Variants in DECR2 observed in about 807,000 individuals in gnomAD.
The protein encoded by DECR2 is peroxisomal 2,4-dienoyl-CoA reductase [(3E)-enoyl-CoA-producing].
DECR2 carries 34 observed loss-of-function variants against 29.2 expected under a neutral mutation model. The observed-to-expected ratio is 1.16, with a 90% CI of 0.89 to 1.55. The LOEUF (loss-of-function observed/expected upper bound fraction) is 1.55. Ranked by LOEUF, DECR2 falls within the 40% of genes most tolerant of loss-of-function variation. The pLI is 0.00. For synonymous variants in DECR2, 224 were observed against 182.7 expected (o/e 1.23, Z -1.82); for missense variants, 485 against 425.3 (o/e 1.14, Z -1.23).
intron 7 of DECR2, 99 bp downstream of exon 7, chr16:411,175 GC>G (rs2054814525): frequency 4.7e-6 from 6 of 1,288,950 alleles, no homozygotes; most frequent in African/African-American, 1.5e-5. Flanking sequence ...ATGTTGAAAA[GC>G]CCTGTGCTGG....
chr16:405,443 G>A, intron 2 of DECR2: 1 of 1,095,746 alleles, frequency 9.1e-7, no homozygotes, highest in Admixed American at 3.1e-5. Flanking sequence ...TGAGGCCCCT[G>A]CTTTTCAGAC....
chr16:404,181 T>A (rs944213675), intron 1 of DECR2, among the ~76,000 whole-genome samples: 79 of 151,222 alleles, frequency 5.2e-4, no homozygotes, highest in African/African-American at 1.8e-3. Context: ...TCAAAAAAAA[T>A]AAAAAATAAA....
rs1313586783 is a variant in DECR2, at chr16:405,000, T to A, written c.125T>A (p.Phe42Tyr). 6.2e-7 allele frequency: 1 copy of A among 1,613,976 alleles called. No homozygotes were observed. Among genetic ancestry groups the A allele is most frequent in the Non-Finnish European group, 8.5e-7 (1 of 1,179,968 alleles). ...FITGGGSGIGFRIAEIFMRHG... is the reference protein window; with the variant it reads ...FITGGGSGIGYRIAEIFMRHG... ...ACAGGAGGCGGCTCTGGGATTGGGT[T>A]CCGGATTGCTGAGATTTTCATGCGG... is the stretch of plus-strand genomic sequence containing the variant. Residue 42 changes from phenylalanine to tyrosine, a missense_variant, in exon 2 of 9, where the codon TTC becomes TAC. Transcript: ENST00000219481.
At chr16:405,622 G>A in intron 2 of DECR2, 1 of 1,301,926 alleles carries the variant, frequency 7.7e-7, no homozygotes, top group Non-Finnish European at 1.0e-6. Context: ...GAAGAGCCGA[G>A]AAACCAAAGA....
At position 410,115 on chromosome 16, in the gene DECR2, G is replaced by A; in HGVS notation, c.338-128G>A. On this transcript the variant is annotated intron_variant, in intron 4 of 8. Coordinates refer to ENST00000219481, the MANE Select transcript of DECR2 (RefSeq NM_020664.4). The surrounding 1 kb of genome is among the most constrained non-coding windows in gnomAD (Gnocchi z 4.1). ...ATTTTGGAATTTATCCTAGGGCATG[G>A]GTCTCCTCCCTGTGCCACAGGGCAC... The A allele has an allele frequency of 7.4e-7, 1 of 1,346,280 alleles. No homozygotes were observed. Among genetic ancestry groups the A allele is most frequent in the South Asian group, 1.4e-5 (1 of 70,716 alleles). 83.4% of individuals were successfully genotyped at this position (1,346,280 alleles called of 1,614,324 possible).
rs2054725860 is a variant in DECR2 at position 406,499 on chromosome 16, A to C, written c.201+102A>C. On this transcript the variant is annotated intron_variant, in intron 3 of 8. Coordinates refer to ENST00000219481, the MANE Select transcript of DECR2 (RefSeq NM_020664.4). ...CAGAGGCTATGGGGATGTTGGCACC[A>C]AAACTTTTTTTTTCTGAGACGGGAG... The C allele has an allele frequency of 3.8e-6, 5 of 1,302,064 alleles. No homozygotes were observed. The East Asian group carries it at 1.2e-4, about 31-fold the overall frequency. 80.7% of individuals were successfully genotyped at this position (1,302,064 alleles called of 1,614,324 possible). A position where few individuals can be genotyped will look rare whatever the true frequency, so the allele number is the denominator to read the frequency against.
At position 407,460 on chromosome 16, in the gene DECR2, CT is replaced by C; in HGVS notation, c.238del (p.Cys80AlafsTer22). 1 of 1,612,580 alleles carries C rather than the reference CT, an allele frequency of 6.2e-7. No homozygotes were observed. The highest frequency in any genetic ancestry group is 8.5e-7 in the Non-Finnish European group (1 of 1,179,628). On this transcript the variant is annotated frameshift_variant, in exon 4 of 9. Coordinates refer to ENST00000219481, the MANE Select transcript of DECR2 (RefSeq NM_020664.4). LOFTEE classifies it high-confidence loss of function. ...RKLAGATGRR[C>X]LPLSMDVRAP... ...AGCTGGCTGGGGCCACCGGCCGGCG[CT>C]GCCTCCCTCTCTCTATGGACGTCCG...
At chr16:407,644 G>A (rs904936677) in intron 4 of DECR2, 84 bp downstream of exon 4, 4 of 1,561,036 alleles carry the variant, frequency 2.6e-6, no homozygotes, top group Non-Finnish European at 3.5e-6. Flanking sequence ...TCATGGGGTG[G>A]GGACCATGCC....
Position 410,746 on chromosome 16 carries a change from C to T in DECR2, c.518C>T (p.Ala173Val), listed in dbSNP as rs144950917. ...ITATLGNRGQ[A>V]LQVHAGSAKA... ...GCCACCCTGGGGAACCGGGGGCAGGCGCTCCAGGTGCATGCAGGCTCCGCC... is the reference window on the plus strand; with the variant it reads ...GCCACCCTGGGGAACCGGGGGCAGGTGCTCCAGGTGCATGCAGGCTCCGCC... Residue 173 changes from alanine to valine, a missense_variant, in exon 6 of 9, where the codon GCG becomes GTG. Coordinates refer to ENST00000219481, the MANE Select transcript of DECR2 (RefSeq NM_020664.4). This position sits in a 1 kb window ranked among gnomAD's most constrained non-coding sequence, Gnocchi z 4.1. The T allele has an allele frequency of 1.7e-4, 272 of 1,606,906 alleles. No individual in the cohort carries two copies. The African/African-American group carries it at 3.2e-3, about 19-fold the overall frequency.
At chr16:402,433 C>T (rs1398806902) in intron 1 of DECR2, among the ~76,000 whole-genome samples, 1 of 152,012 alleles carries the variant, frequency 6.6e-6, no homozygotes, top group African/African-American at 2.4e-5. Flanking sequence ...CCGCGCCCGG[C>T]CCAACCTGGC....
rs982597008 is a variant in DECR2 at position 405,092 on chromosome 16, C to T, written c.149+68C>T. 28 of 1,580,526 alleles carry T rather than the reference C, an allele frequency of 1.8e-5. No homozygotes were observed. The Admixed American group carries it at 3.9e-4, about 22-fold the overall frequency. The stretch of plus-strand genomic sequence containing the variant: ...TGCCCGGGCCCTGCTGGATGCCCGA[C>T]CCCTGGAAAGATGTTGGTGGGAGGT... On this transcript the variant is annotated intron_variant, in intron 2 of 8. Coordinates refer to ENST00000219481, the MANE Select transcript of DECR2 (RefSeq NM_020664.4).
chr16:404,693 G>A (rs1403138608), intron 1 of DECR2, among the ~76,000 whole-genome samples: 6 of 151,126 alleles, frequency 4.0e-5, no homozygotes, highest in Non-Finnish European at 8.9e-5. Flanking sequence ...GCAGTGGTGC[G>A]ATCTCGGCTC....
chr16:409,306 G>A (rs1209515837), intron 4 of DECR2, among the ~76,000 whole-genome samples: 2 of 151,934 alleles, frequency 1.3e-5, no homozygotes, highest in African/African-American at 4.8e-5. Context: ...CAGTAGCTGG[G>A]ACTACAGGTG....
At chr16:408,259 C>T (rs1336188374) in intron 4 of DECR2, among the ~76,000 whole-genome samples, 1 of 150,906 alleles carries the variant, frequency 6.6e-6, no homozygotes, top group South Asian at 2.1e-4. Flanking sequence ...GGCCCCCTGT[C>T]TCTGGGCCTC....
chr16:406,972 C>T (rs1382207145), intron 3 of DECR2: 1 of 1,017,428 alleles, frequency 9.8e-7, no homozygotes, highest in African/African-American at 1.7e-5. Flanking sequence ...CTCCCAGAGA[C>T]ATCTTTGACT....
intron 7 of DECR2, 62 bp from the exon 8 acceptor site, chr16:411,299 G>A: frequency 6.7e-7 from 1 of 1,496,482 alleles, no homozygotes; most frequent in African/African-American, 1.4e-5. Flanking sequence ...AATGAGCTGG[G>A]GGAGAGGGGA....
At chr16:411,272 C>T in intron 7 of DECR2, 89 bp from the exon 8 acceptor site, 1 of 1,373,780 alleles carries the variant, frequency 7.3e-7, no homozygotes, top group Non-Finnish European at 9.9e-7. Flanking sequence ...CTTGCTGTTC[C>T]CAGATGCCTC....
At chr16:405,436 G>A in intron 2 of DECR2, 3 of 987,966 alleles carry the variant, frequency 3.0e-6, no homozygotes, top group Non-Finnish European at 4.1e-6. Context: ...GTTCCCCTGA[G>A]GCCCCTGCTT....
intron 4 of DECR2, among the ~76,000 whole-genome samples, chr16:407,982 CG>C (rs2054753866): frequency 1.0e-5 from 1 of 97,220 alleles, no homozygotes; most frequent in Non-Finnish European, 2.1e-5. Flanking sequence ...CCCCTGTCTC[CG>C]GGCCCCTGTC....
Sources: gnomAD v4.1 joint callset for allele counts (sites outside exome capture counted in the v4.1 genomes callset) on GRCh38, gnomAD v4.1.1 for gene constraint, Gnocchi (gnomAD v3.1) non-coding constraint, MANE v1.5 for transcripts, NCBI Gene and HGNC (gene_info 2026-07-23, HGNC 2026-07-21) for gene names.